The following DIPK1A variants were observed in gnomAD, a reference collection of about 807,000 sequenced individuals.
The protein encoded by DIPK1A is divergent protein kinase domain 1A.
DIPK1A carries 27 observed loss-of-function variants against 40.8 expected under a neutral mutation model. That is an observed-to-expected ratio of 0.66 (90% CI 0.49 to 0.91). The LOEUF is 0.91. Among genes scored for constraint, DIPK1A ranks in the 40% least tolerant of loss-of-function variants. The pLI is 0.00. For missense variants in DIPK1A, 412 were observed against 505.7 expected (o/e 0.81, Z 1.78); for synonymous variants, 166 against 171.3 (o/e 0.97, Z 0.24).
chr1:92,884,084 G>A (rs988412774), intron 1 of DIPK1A, among the ~76,000 whole-genome samples: 2 of 152,168 alleles, frequency 1.3e-5, no homozygotes, highest in Admixed American at 1.3e-4. Context: ...CATTCCATAT[G>A]ATGGGCTCAA....
chr1:92,833,057 T>C (rs1485235202), intron 4 of DIPK1A: 1 of 729,968 alleles, frequency 1.4e-6, no homozygotes. Flanking sequence ...AATATGGAAA[T>C]TGAAAGCGTT....
chr1:92,848,358 A>G (rs940155950), intron 3 of DIPK1A, among the ~76,000 whole-genome samples: 25 of 152,166 alleles, frequency 1.6e-4, no homozygotes, highest in African/African-American at 5.3e-4. Context: ...AGCCTCGCCT[A>G]TGTCTCCAAC....
At chr1:92,861,941 G>A (rs1039570996) in intron 2 of DIPK1A, among the ~76,000 whole-genome samples, 5 of 152,140 alleles carry the variant, frequency 3.3e-5, no homozygotes, top group East Asian at 3.9e-4. Context: ...TACCACACCC[G>A]GCTAAGTTTT....
At chr1:92,870,852 G>T (rs1463176342) in intron 2 of DIPK1A, among the ~76,000 whole-genome samples, 1 of 152,188 alleles carries the variant, frequency 6.6e-6, no homozygotes, top group Non-Finnish European at 1.5e-5. Context: ...GGGGGATAAA[G>T]GTCTGGACCT....
chr1:92,835,623 G>T (rs1382573833), intron 4 of DIPK1A, among the ~76,000 whole-genome samples: 1 of 142,456 alleles, frequency 7.0e-6, no homozygotes, highest in African/African-American at 2.6e-5. Flanking sequence ...TCACGCCATT[G>T]CACTCCAGCC....
chr1:92,881,172 CAA>C (rs71094212), intron 1 of DIPK1A, among the ~76,000 whole-genome samples: 9 of 50,718 alleles, frequency 1.8e-4, no homozygotes, highest in African/African-American at 6.2e-4. Flanking sequence ...GACTCGGTCT[CAA>C]AAAAAAAAAA....
intron 2 of DIPK1A, 67 bp from the exon 3 acceptor site, chr1:92,851,022 T>C: frequency 1.0e-6 from 1 of 996,106 alleles, no homozygotes; most frequent in Non-Finnish European, 1.5e-6. Context: ...TAAAGAGATA[T>C]CTATATCCTT....
At chr1:92,957,315 A>G (rs1250397113) in intron 1 of DIPK1A, among the ~76,000 whole-genome samples, 1 of 152,230 alleles carries the variant, frequency 6.6e-6, no homozygotes, top group East Asian at 1.9e-4. Context: ...CTGCCTAAAA[A>G]TGGTTTAAGC....
At chr1:92,879,587 C>A (rs1295185011) in intron 1 of DIPK1A, among the ~76,000 whole-genome samples, 1 of 152,166 alleles carries the variant, frequency 6.6e-6, no homozygotes, top group Non-Finnish European at 1.5e-5. Flanking sequence ...AGTGAGACAC[C>A]TTTTTCTTTC....
At position 92,876,394 on chromosome 1, in the gene DIPK1A, AG is replaced by A. The variant is rs1648126877; in HGVS notation, c.90del (p.Ser32ProfsTer3). On this transcript the variant is annotated frameshift_variant, in exon 2 of 5. Transcript: ENST00000370310. LOFTEE classifies it high-confidence loss of function. Reference protein sequence around the residue: ...RFSYVRMKYLFFSWLVVFVGS... With the variant: ...RFSYVRMKYLXFSWLVVFVGS... ...CCAACAAAAACCACTAACCAGGAAA[AG>A]AAAAGATATTTCATCCGCACATATG... The A allele has an allele frequency of 1.2e-6, 2 of 1,613,558 alleles. No homozygotes were observed. Among genetic ancestry groups the A allele is most frequent in the South Asian group, 2.2e-5 (2 of 91,048 alleles).
At chr1:92,879,782 G>A (rs778860923) in intron 1 of DIPK1A, among the ~76,000 whole-genome samples, 1 of 152,190 alleles carries the variant, frequency 6.6e-6, no homozygotes, top group South Asian at 2.1e-4. Flanking sequence ...TCACTAAAAT[G>A]TTTCTAGTGG....
intron 1 of DIPK1A, among the ~76,000 whole-genome samples, chr1:92,951,499 G>A (rs1384040796): frequency 6.6e-6 from 1 of 152,194 alleles, no homozygotes; most frequent in African/African-American, 2.4e-5. Flanking sequence ...ACTTGGAGCA[G>A]AGAAACAGCT....
intron 1 of DIPK1A, among the ~76,000 whole-genome samples, chr1:92,894,328 T>C (rs1224986334): frequency 6.6e-6 from 1 of 152,034 alleles, no homozygotes; most frequent in East Asian, 1.9e-4. Context: ...GCAATCAAAC[T>C]AGAACTCAGG....
chr1:92,838,978 C>T (rs894294711), downstream of DIPK1A, among the ~76,000 whole-genome samples: 1 of 149,444 alleles, frequency 6.7e-6, no homozygotes, highest in African/African-American at 2.5e-5. Flanking sequence ...ACCTGGATTA[C>T]TGTGACATAG....
intron 1 of DIPK1A, among the ~76,000 whole-genome samples, chr1:92,951,844 C>T (rs1651644964): frequency 6.6e-6 from 1 of 151,706 alleles, no homozygotes; most frequent in African/African-American, 2.4e-5. Flanking sequence ...TACCCTATAC[C>T]TACCTATATT....
At chr1:92,879,993 A>G (rs1313931551) in intron 1 of DIPK1A, among the ~76,000 whole-genome samples, 3 of 152,328 alleles carry the variant, frequency 2.0e-5, no homozygotes. Context: ...TAAATACACT[A>G]TGGCAGTGAT....
chr1:92,862,692 T>C (rs1647333681), intron 2 of DIPK1A, among the ~76,000 whole-genome samples: 1 of 152,150 alleles, frequency 6.6e-6, no homozygotes, highest in Admixed American at 6.5e-5. Flanking sequence ...TTCTACTGAC[T>C]CTCTACTGCT....
At chr1:92,836,129 A>C (rs1049301805) in intron 4 of DIPK1A, 2 of 1,478,984 alleles carry the variant, frequency 1.4e-6, no homozygotes, top group Admixed American at 3.3e-5. Flanking sequence ...GACATAAGCT[A>C]TTTTAATTTT....
intron 3 of DIPK1A, among the ~76,000 whole-genome samples, chr1:92,850,271 C>G (rs527693909): frequency 6.6e-6 from 1 of 152,202 alleles, no homozygotes; most frequent in East Asian, 1.9e-4. Flanking sequence ...CACCAGGTTG[C>G]CTTAATCACC....
Sources: allele counts gnomAD v4.1 joint callset (sites outside exome capture counted in the v4.1 genomes callset), GRCh38; gene constraint gnomAD v4.1.1; transcripts MANE v1.5; gene names NCBI Gene and HGNC (gene_info 2026-07-23, HGNC 2026-07-21).